CADPS: variants seen among roughly 807,000 people sequenced by gnomAD.
The protein encoded by CADPS is calcium dependent secretion activator.
Under a neutral mutation model 167.3 loss-of-function variants are expected in CADPS, and 57 were observed. The observed-to-expected ratio is 0.34, with a 90% CI of 0.28 to 0.42. The LOEUF is 0.42. Among genes scored for constraint, CADPS ranks in the 20% least tolerant of loss-of-function variants. CADPS has a pLI of 1.00. For missense variants in CADPS, 1,414 were observed against 1,738.1 expected (o/e 0.81, Z 3.32); for synonymous variants, 676 against 635.3 (o/e 1.06, Z -0.96).
intron 1 of CADPS, among the ~76,000 whole-genome samples, chr3:62,797,751 T>A (rs1373232780): frequency 2.0e-5 from 3 of 151,878 alleles, no homozygotes; most frequent in Non-Finnish European, 4.4e-5. Flanking sequence ...ATAATCTGTG[T>A]AACTGACCCC....
chr3:62,874,490 C>G lies in CADPS; in HGVS notation c.441+99G>C. ...CCCCAGGGCGCGGTCTCCACCTCTC[C>G]TGCTCCTCCTCGCCAGCTGCGCCGC... On this transcript the variant is annotated intron_variant, in intron 1 of 29. Transcript: ENST00000383710. The surrounding 1 kb of genome is among the most constrained non-coding windows in gnomAD (Gnocchi z 7.1). 1 of 945,346 alleles carries G rather than the reference C, an allele frequency of 1.1e-6. No homozygotes were observed. The highest frequency in any genetic ancestry group is 1.6e-6 in the Non-Finnish European group (1 of 622,624). 58.6% of individuals were successfully genotyped at this position (945,346 alleles called of 1,614,324 possible).
intron 7 of CADPS, among the ~76,000 whole-genome samples, chr3:62,589,540 T>C (rs1384192957): frequency 1.3e-5 from 2 of 152,176 alleles, no homozygotes; most frequent in Non-Finnish European, 2.9e-5. Flanking sequence ...GCCCTGGAGA[T>C]GAGGCAACAT....
At chr3:62,663,070 T>C (rs970302388) in intron 3 of CADPS, among the ~76,000 whole-genome samples, 5 of 152,098 alleles carry the variant, frequency 3.3e-5, no homozygotes, top group African/African-American at 4.8e-5. Context: ...GAAAAAGGGG[T>C]CAGTTATGTA....
intron 22 of CADPS, among the ~76,000 whole-genome samples, chr3:62,480,265 T>A (rs1338038457): frequency 2.6e-5 from 4 of 152,244 alleles, no homozygotes; most frequent in African/African-American, 7.2e-5. Context: ...TCTTGATTCA[T>A]ATCTTTTCAA....
At chr3:62,667,069 GAC>G (rs908595924) in intron 3 of CADPS, among the ~76,000 whole-genome samples, 4 of 124,570 alleles carry the variant, frequency 3.2e-5, no homozygotes, top group African/African-American at 1.2e-4. Context: ...TTTCCTTACT[GAC>G]ACAGAGTGAA....
intron 3 of CADPS, among the ~76,000 whole-genome samples, chr3:62,748,693 A>G (rs900250494): frequency 6.6e-6 from 1 of 152,118 alleles, no homozygotes; most frequent in African/African-American, 2.4e-5. Context: ...AATAAAACCT[A>G]TTCTCAAATT....
intron 3 of CADPS, among the ~76,000 whole-genome samples, chr3:62,714,345 G>A (rs1462328221): frequency 6.6e-6 from 1 of 152,210 alleles, no homozygotes; most frequent in South Asian, 2.1e-4. Context: ...TTTTGTGACT[G>A]GGTACTGTAC....
chr3:62,587,679 T>A (rs751529793), intron 7 of CADPS, among the ~76,000 whole-genome samples: 3 of 152,212 alleles, frequency 2.0e-5, no homozygotes, highest in Admixed American at 6.5e-5. Context: ...CCATATGGAT[T>A]CTGGGCGTGC....
intron 27 of CADPS, 54 bp downstream of exon 27, chr3:62,445,711 T>TAAA: frequency 2.3e-6 from 2 of 853,068 alleles, no homozygotes; most frequent in Non-Finnish European, 3.1e-6. Flanking sequence ...AAAGTAAAAA[T>TAAA]GAAAAAAAAA....
intron 10 of CADPS, 74 bp from the exon 11 acceptor site, chr3:62,550,189 A>G (rs1379620789): frequency 1.6e-6 from 2 of 1,224,108 alleles, no homozygotes; most frequent in Admixed American, 3.5e-5. Flanking sequence ...CCTTTGAAAA[A>G]GCAGTTTCTG....
chr3:62,834,891 T>C (rs1428157112), intron 1 of CADPS, among the ~76,000 whole-genome samples: 6 of 152,176 alleles, frequency 3.9e-5, no homozygotes, highest in Non-Finnish European at 8.8e-5. Context: ...CCAATTACAA[T>C]TCTTACACAA....
At chr3:62,467,784 T>C (rs2150424735) in intron 24 of CADPS, among the ~76,000 whole-genome samples, 1 of 152,292 alleles carries the variant, frequency 6.6e-6, no homozygotes. Context: ...ATTATTATTT[T>C]AAAAACCAGT....
At chr3:62,556,797 T>G (rs1028792687) in intron 10 of CADPS, among the ~76,000 whole-genome samples, 1 of 152,030 alleles carries the variant, frequency 6.6e-6, no homozygotes, top group African/African-American at 2.4e-5. Context: ...TTTTCTTAGC[T>G]ACATAAGGCT....
At position 62,601,600 on chromosome 3, in the gene CADPS, C is replaced by T. The variant is rs2059983893; in HGVS notation, c.1326-8852G>A. Among the ~76,000 whole-genome samples, 1 of 152,160 alleles carries T rather than the reference C, an allele frequency of 6.6e-6. No individual in the cohort carries two copies. The highest frequency in any genetic ancestry group is 1.5e-5 in the Non-Finnish European group (1 of 68,032). ...TCTTCATGGAGCTCTTTCTAGCACT[C>T]TTAGTTTATTAGAAAATTGGGGCTT... On this transcript the variant is annotated intron_variant, in intron 6 of 29. Coordinates refer to ENST00000383710, the MANE Select transcript of CADPS (RefSeq NM_003716.4). This position sits in a 1 kb window ranked among gnomAD's most constrained non-coding sequence, Gnocchi z 4.3.
chr3:62,804,510 G>T (rs2093969780), intron 1 of CADPS, among the ~76,000 whole-genome samples: 2 of 152,136 alleles, frequency 1.3e-5, no homozygotes, highest in South Asian at 4.2e-4. Context: ...TAATTCCACT[G>T]ACCTAGTTTA....
At chr3:62,778,983 C>A (rs779561362) in intron 1 of CADPS, among the ~76,000 whole-genome samples, 1 of 151,840 alleles carries the variant, frequency 6.6e-6, no homozygotes, top group Non-Finnish European at 1.5e-5. Flanking sequence ...CTCCACCTGC[C>A]GGGTTCAAGC....
chr3:62,425,789 T>C (rs1471781156), intron 28 of CADPS, among the ~76,000 whole-genome samples: 1 of 152,162 alleles, frequency 6.6e-6, no homozygotes, highest in Non-Finnish European at 1.5e-5. Context: ...CTAATGAAGA[T>C]ACAGTGTTGG....
chr3:62,840,076 T>C (rs146708814), intron 1 of CADPS, among the ~76,000 whole-genome samples: 1 of 152,166 alleles, frequency 6.6e-6, no homozygotes, highest in African/African-American at 2.4e-5. Flanking sequence ...AAGATTAAAT[T>C]TGATCATGTT....
Position 62,753,256 on chromosome 3 carries a change from T to C in CADPS, c.888+185A>G, listed in dbSNP as rs1026643081. On this transcript the variant is annotated intron_variant, in intron 3 of 29. Coordinates refer to ENST00000383710, the MANE Select transcript of CADPS (RefSeq NM_003716.4). The surrounding 1 kb of genome is among the most constrained non-coding windows in gnomAD (Gnocchi z 4.6). ...GGGCTCATAAAAATGTTTTATTTAT[T>C]TATTTTTTAAATCAGAAGAAAAGCA... 2.3e-4 allele frequency among the ~76,000 whole-genome samples: 35 copies of C among 152,214 alleles called. No homozygotes were observed. The highest frequency in any genetic ancestry group is 8.2e-4 in the African/African-American group (34 of 41,446).
Sources: allele counts gnomAD v4.1 joint callset (sites outside exome capture counted in the v4.1 genomes callset), GRCh38; gene constraint gnomAD v4.1.1; non-coding constraint Gnocchi (gnomAD v3.1); transcripts MANE v1.5; gene names NCBI Gene and HGNC (gene_info 2026-07-23, HGNC 2026-07-21).